The following DYNLRB1 variants were observed in gnomAD, a reference collection of about 807,000 sequenced individuals.
The protein encoded by DYNLRB1 is ROBL/LC7-like 1.
In DYNLRB1, 6 loss-of-function variants were observed where a neutral mutation model predicts 13.5. That is an observed-to-expected ratio of 0.44 (90% confidence interval 0.24 to 0.88). The LOEUF (loss-of-function observed/expected upper bound fraction) is 0.88. DYNLRB1 is among the 40% of genes least tolerant of loss of function. The pLI is 0.21. For missense variants in DYNLRB1, 93 were observed against 127.2 expected, an observed-to-expected ratio of 0.73 and a Z score of 1.29; for synonymous variants, 43 against 45.0, an observed-to-expected ratio of 0.96 and a Z score of 0.18.
intron 2 of DYNLRB1, chr20:34,530,738 T>C (rs1237686042): frequency 6.6e-6 from 1 of 152,226 alleles, no homozygotes; most frequent in Admixed American, 6.5e-5. Context: ...CCATTAAAGA[T>C]GATTATTTGA....
chr20:34,537,218 C>T (rs1180317284), intron 3 of DYNLRB1, among the ~76,000 whole-genome samples: 3 of 152,228 alleles, frequency 2.0e-5, no homozygotes, highest in Non-Finnish European at 2.9e-5. Flanking sequence ...CACTGTCTCT[C>T]TCCCACACAC....
chr20:34,538,860 C>A (rs1981374998), intron 3 of DYNLRB1, among the ~76,000 whole-genome samples: 1 of 152,178 alleles, frequency 6.6e-6, no homozygotes, highest in Admixed American at 6.5e-5. Flanking sequence ...CAGGGCAGTT[C>A]AGAGTATGGG....
intron 1 of DYNLRB1, among the ~76,000 whole-genome samples, chr20:34,522,298 A>G (rs952505725): frequency 3.3e-5 from 5 of 152,050 alleles, no homozygotes; most frequent in African/African-American, 4.8e-5. Flanking sequence ...TAACATGGAG[A>G]TCATACTAAC....
intron 1 of DYNLRB1, 136 bp from the exon 2 acceptor site, chr20:34,526,132 A>C: frequency 4.7e-6 from 4 of 853,610 alleles, no homozygotes; most frequent in Non-Finnish European, 5.7e-6. Context: ...AGCCTGGGGA[A>C]CTTTGAGGGT....
intron 1 of DYNLRB1, among the ~76,000 whole-genome samples, chr20:34,522,808 T>G (rs1237550651): frequency 6.6e-6 from 1 of 152,208 alleles, no homozygotes; most frequent in Non-Finnish European, 1.5e-5. Context: ...TCTTAGTATC[T>G]GGTTCTCGTT....
intron 2 of DYNLRB1, chr20:34,533,568 C>T: frequency 2.1e-6 from 2 of 970,494 alleles, no homozygotes; most frequent in Non-Finnish European, 2.4e-6. Context: ...CGCCTGTAAT[C>T]CCAGCACTTT....
chr20:34,527,145 A>G (rs940036073), intron 2 of DYNLRB1, among the ~76,000 whole-genome samples: 1 of 152,228 alleles, frequency 6.6e-6, no homozygotes, highest in African/African-American at 2.4e-5. Context: ...TGATCGGCCT[A>G]CCATCACACA....
chr20:34,540,009 C>A (rs1981455584), intron 3 of DYNLRB1, among the ~76,000 whole-genome samples: 1 of 152,132 alleles, frequency 6.6e-6, no homozygotes, highest in African/African-American at 2.4e-5. Flanking sequence ...AAGAAAATGA[C>A]ATTACCCAAG....
At position 34,516,425 on chromosome 20, in the gene DYNLRB1, T is replaced by G; in HGVS notation, c.-34T>G. On this transcript the variant is annotated 5_prime_UTR_variant, in exon 1 of 4. Transcript: ENST00000357156. Reference sequence around the variant, plus strand: ...GCAGAAAGGCACAGGACTCGCTAAGTGTTCGCTACGCGGGGCTACCGGATC... The same window carrying G: ...GCAGAAAGGCACAGGACTCGCTAAGGGTTCGCTACGCGGGGCTACCGGATC... 1.2e-6 allele frequency: 2 copies of G among 1,612,566 alleles called. No individual in the cohort carries two copies. Among genetic ancestry groups the G allele is most frequent in the Non-Finnish European group, 1.7e-6 (2 of 1,179,120 alleles).
intron 1 of DYNLRB1, among the ~76,000 whole-genome samples, chr20:34,518,479 C>T (rs1979442359): frequency 6.6e-6 from 1 of 151,926 alleles, no homozygotes; most frequent in Admixed American, 6.5e-5. Context: ...TCAGTCTCTC[C>T]TCCTTTAGAA....
chr20:34,535,809 G>A lies in DYNLRB1; in HGVS notation c.247+1014G>A, dbSNP rs570560761. ...AACTCAGTTGCATGGACTTGATCTT[G>A]CAAGCAGAGGTTTTTAGGGCAGGAG... On this transcript the variant is annotated intron_variant, in intron 3 of 3. Coordinates refer to ENST00000357156, the MANE Select transcript of DYNLRB1 (RefSeq NM_014183.4). 14 of 985,282 alleles carry A rather than the reference G, an allele frequency of 1.4e-5. No homozygotes were observed. In the South Asian group the frequency reaches 6.6e-4, roughly 46 times the overall value. 61.0% of individuals were successfully genotyped at this position (985,282 alleles called of 1,614,324 possible).
upstream of DYNLRB1, chr20:34,516,339 T>A: frequency 6.9e-7 from 1 of 1,448,600 alleles, no homozygotes; most frequent in South Asian, 1.5e-5. Flanking sequence ...CGCCCCCGCC[T>A]CACGCTGGCT....
At chr20:34,535,127 C>T in intron 3 of DYNLRB1, 2 of 984,924 alleles carry the variant, frequency 2.0e-6, no homozygotes, top group Non-Finnish European at 2.4e-6. Flanking sequence ...GGGCTGTCTG[C>T]AAAAGCTTCC....
At chr20:34,518,280 G>A (rs1384303218) in intron 1 of DYNLRB1, among the ~76,000 whole-genome samples, 4 of 151,918 alleles carry the variant, frequency 2.6e-5, no homozygotes, top group Admixed American at 2.0e-4. Context: ...GGTATATTTT[G>A]AAATCAGGTA....
rs1266957617 is a variant in DYNLRB1, at chr20:34,535,266, G to A, written c.247+471G>A. ...CTCCAAAATGTAAAGCAAAAGTACT[G>A]TATCATTTTATCCTTGAAAACATGT... On this transcript the variant is annotated intron_variant, in intron 3 of 3. Transcript: ENST00000357156. The A allele has an allele frequency of 4.1e-6, 4 of 985,320 alleles. No homozygotes were observed. In the African/African-American group the frequency reaches 7.0e-5, roughly 17 times the overall value. 61.0% of individuals were successfully genotyped at this position (985,320 alleles called of 1,614,324 possible).
chr20:34,526,172 T>C, intron 1 of DYNLRB1, 96 bp from the exon 2 acceptor site: 1 of 1,364,024 alleles, frequency 7.3e-7, no homozygotes, highest in Non-Finnish European at 1.0e-6. Flanking sequence ...TACTTGTTTG[T>C]TGTTGGAAGA....
chr20:34,516,623 C>A, intron 1 of DYNLRB1, 162 bp downstream of exon 1: 3 of 1,490,528 alleles, frequency 2.0e-6, no homozygotes, highest in Non-Finnish European at 2.7e-6. Flanking sequence ...TGGAACCCGG[C>A]GGCGGAGGCC....
upstream of DYNLRB1, among the ~76,000 whole-genome samples, chr20:34,516,216 C>T (rs982531213): frequency 6.6e-6 from 1 of 152,256 alleles, no homozygotes; most frequent in Non-Finnish European, 1.5e-5. Context: ...CTTTTCTGCA[C>T]GGCTGGAGTT....
intron 2 of DYNLRB1, among the ~76,000 whole-genome samples, chr20:34,532,401 C>T (rs1172776409): frequency 6.6e-6 from 1 of 152,072 alleles, no homozygotes; most frequent in Non-Finnish European, 1.5e-5. Flanking sequence ...GAGCCCAGGA[C>T]CCTATTAATC....
Sources: gnomAD v4.1 joint callset for allele counts (sites outside exome capture counted in the v4.1 genomes callset) on GRCh38, gnomAD v4.1.1 for gene constraint, MANE v1.5 for transcripts, NCBI Gene and HGNC (gene_info 2026-07-23, HGNC 2026-07-21) for gene names.